Variants in CSF2RB observed in about 807,000 individuals in gnomAD.
CSF2RB encodes cytokine receptor common subunit beta.
Under a neutral mutation model 67.2 loss-of-function variants are expected in CSF2RB, and 22 were observed. That is an observed-to-expected ratio of 0.33 (90% CI 0.23 to 0.47). The LOEUF (loss-of-function observed/expected upper bound fraction) is 0.47. CSF2RB is among the 20% of genes least tolerant of loss of function. The pLI is 1.00. For synonymous variants in CSF2RB, 507 were observed against 482.9 expected (o/e 1.05, Z -0.65); for missense variants, 1,113 against 1,174.5 (o/e 0.95, Z 0.76).
intron 8 of CSF2RB, 29 bp downstream of exon 8, chr22:36,930,859 A>T (rs374545094): frequency 1.9e-6 from 3 of 1,613,300 alleles, no homozygotes; most frequent in East Asian, 2.2e-5. Context: ...CGCTGTGGGG[A>T]TGGTCTGGGA....
rs1203924381 is a variant in CSF2RB at position 36,938,026 on chromosome 22, C to A, written c.2218C>A (p.Gln740Lys). The A allele has an allele frequency of 6.2e-7, 1 of 1,614,100 alleles. No homozygotes were observed. The highest frequency in any genetic ancestry group is 1.1e-5 in the South Asian group (1 of 91,070). Residue 740 changes from glutamine to lysine, a missense_variant, in exon 14 of 14, where the codon CAG becomes AAG. Gln to Lys is a moderately conservative substitution (Grantham distance 53). This residue lies in a region of CSF2RB where 554 missense variants were observed against 517.9 expected (regional missense o/e 1.07). Transcript: ENST00000403662. ...LVPSLGLPSD[Q>K]TPSLCPGLAS... is the part of the protein sequence containing the mutation. ...TCCCTCTCTGGGCCTCCCCTCAGAC[C>A]AGACCCCCAGCTTATGTCCTGGGCT...
intron 1 of CSF2RB, among the ~76,000 whole-genome samples, chr22:36,921,133 TTCTGTGTA>T (rs1569130788): frequency 6.6e-6 from 1 of 150,722 alleles, no homozygotes; most frequent in Admixed American, 6.6e-5. Context: ...GTGTGTGAAT[TTCTGTGTA>T]TGTGTGAATG....
intron 4 of CSF2RB, 58 bp from the exon 5 acceptor site, chr22:36,929,344 G>T: frequency 6.2e-7 from 1 of 1,612,648 alleles, no homozygotes; most frequent in Non-Finnish European, 8.5e-7. Flanking sequence ...GGCCATGCAG[G>T]CCCTGACTGC....
At chr22:36,926,852 A>G (rs1941028381) in intron 4 of CSF2RB, among the ~76,000 whole-genome samples, 1 of 152,222 alleles carries the variant, frequency 6.6e-6, no homozygotes, top group African/African-American at 2.4e-5. Context: ...CTAAACCTGA[A>G]AAGGGACACG....
At chr22:36,931,236 T>C (rs1301542305) in intron 8 of CSF2RB, among the ~76,000 whole-genome samples, 1 of 152,244 alleles carries the variant, frequency 6.6e-6, no homozygotes, top group Non-Finnish European at 1.5e-5. Context: ...ACTTTTCAAC[T>C]GGAGCCTGTG....
intron 9 of CSF2RB, 98 bp from the exon 10 acceptor site, chr22:36,933,734 G>A: frequency 6.8e-7 from 1 of 1,477,214 alleles, no homozygotes; most frequent in Non-Finnish European, 9.1e-7. Context: ...GGTATGGCAG[G>A]AGCTAGGAGC....
intron 3 of CSF2RB, among the ~76,000 whole-genome samples, chr22:36,924,156 G>A (rs1940951898): frequency 6.6e-6 from 1 of 151,298 alleles, no homozygotes; most frequent in South Asian, 2.1e-4. Context: ...GTCTCTGTCG[G>A]ACCTTCTCCA....
chr22:36,929,296 G>T (rs1181995871), intron 4 of CSF2RB, 106 bp from the exon 5 acceptor site: 31 of 1,478,622 alleles, frequency 2.1e-5, no homozygotes, highest in African/African-American at 2.8e-5. Flanking sequence ...AGCTGCTGGG[G>T]GCAGGGGTGG....
intron 4 of CSF2RB, among the ~76,000 whole-genome samples, chr22:36,928,384 G>A (rs1941071511): frequency 6.6e-6 from 1 of 152,190 alleles, no homozygotes; most frequent in African/African-American, 2.4e-5. Flanking sequence ...GGGGCTGGGA[G>A]TGCAGTGACC....
At chr22:36,933,401 G>A (rs1212967052) in intron 9 of CSF2RB, among the ~76,000 whole-genome samples, 1 of 152,190 alleles carries the variant, frequency 6.6e-6, no homozygotes, top group Non-Finnish European at 1.5e-5. Flanking sequence ...GGCAACTGAG[G>A]CTAGGAGGGA....
chr22:36,920,584 G>A (rs1482438969), intron 1 of CSF2RB, among the ~76,000 whole-genome samples: 1 of 152,186 alleles, frequency 6.6e-6, no homozygotes, highest in Non-Finnish European at 1.5e-5. Flanking sequence ...GTAGCCTAAC[G>A]GATGAGTACA....
In CSF2RB at chr22:36,930,680, G is replaced by A; in HGVS notation, c.862G>A (p.Glu288Lys). Reference protein sequence around the residue: ...YKPSPDAGEEECSPVLREGLG... With the variant: ...YKPSPDAGEEKCSPVLREGLG... ...CTCTGCTGTGCTCCTCAGGGAGGAA[G>A]AGTGCTCCCCAGTGCTGAGGGAGGG... Residue 288 changes from glutamate (E) to lysine (K), a missense_variant, in exon 8 of 14, where the codon GAG becomes AAG. Physicochemically the swap from Glu to Lys is moderately conservative, Grantham distance 56 (BLOSUM62 1). This residue lies in a region of CSF2RB where 559 missense variants were observed against 656.5 expected (regional missense o/e 0.85). Coordinates refer to ENST00000403662, the MANE Select transcript of CSF2RB (RefSeq NM_000395.3). 1 of 1,612,676 alleles carries A rather than the reference G, an allele frequency of 6.2e-7. No individual in the cohort carries two copies. Among genetic ancestry groups the A allele is most frequent in the Admixed American group, 1.7e-5 (1 of 60,024 alleles).
At chr22:36,933,227 G>A (rs1243457997) in intron 9 of CSF2RB, among the ~76,000 whole-genome samples, 1 of 152,206 alleles carries the variant, frequency 6.6e-6, no homozygotes, top group Non-Finnish European at 1.5e-5. Context: ...TGAAAGTTTG[G>A]GGTTATTTCC....
Position 36,926,036 on chromosome 22 carries a change from T to A in CSF2RB, c.250T>A (p.Ser84Thr). ...SCDLSDDMPW[S>T]ACPHPRCVPR... ...TGACCTCAGTGATGACATGCCCTGG[T>A]CAGCCTGCCCCCATCCCCGCTGCGT... The change falls in exon 4 of 14, where the codon TCA (serine) becomes ACA (threonine). Residue 84 changes from serine (S) to threonine (T), a missense_variant. Coordinates refer to ENST00000403662, the MANE Select transcript of CSF2RB (RefSeq NM_000395.3). The A allele has an allele frequency of 6.2e-7, 1 of 1,614,202 alleles. No individual in the cohort carries two copies. Among genetic ancestry groups the A allele is most frequent in the Non-Finnish European group, 8.5e-7 (1 of 1,180,030 alleles).
chr22:36,932,815 AG>A lies in CSF2RB; in HGVS notation c.1064del (p.Ser355ThrfsTer7). The A allele has an allele frequency of 3.7e-6, 6 of 1,614,136 alleles. No homozygotes were observed. The highest frequency in any genetic ancestry group is 5.1e-6 in the Non-Finnish European group (6 of 1,180,030). ...CGTGACCAAGGATGGAGACAGCTAC[AG>A]CCTGCGCTGGGAAACAATGAAAATG... is the stretch of plus-strand genomic sequence containing the variant. The part of the protein sequence containing the change: ...LNVTKDGDSY[S>X]LRWETMKMRY... On this transcript the variant is annotated frameshift_variant, in exon 9 of 14. Transcript: ENST00000403662. LOFTEE classifies it high-confidence loss of function.
At chr22:36,935,005 T>C (rs998952913) in intron 10 of CSF2RB, among the ~76,000 whole-genome samples, 1 of 152,130 alleles carries the variant, frequency 6.6e-6, no homozygotes, top group African/African-American at 2.4e-5. Flanking sequence ...ATCCTTCCTA[T>C]TACTGGAGGC....
intron 10 of CSF2RB, 105 bp from the exon 11 acceptor site, chr22:36,935,246 C>T: frequency 9.7e-7 from 1 of 1,030,868 alleles, no homozygotes; most frequent in Non-Finnish European, 1.5e-6. Flanking sequence ...CCTGGGCCTG[C>T]ACAGAGCGGG....
rs981373498 is a variant in CSF2RB at position 36,917,603 on chromosome 22, T to C, written c.-173+3926T>C. Among the ~76,000 whole-genome samples the C allele has an allele frequency of 2.0e-5, 3 of 152,230 alleles. No individual in the cohort carries two copies. In the East Asian group the frequency reaches 5.8e-4, roughly 29 times the overall value. Reference sequence around the variant, plus strand: ...TTCTTAGTGATTTTTAATCTTTATGTTTTTAGGGATTTAAAATGTATTGAA... The same window carrying C: ...TTCTTAGTGATTTTTAATCTTTATGCTTTTAGGGATTTAAAATGTATTGAA... On this transcript the variant is annotated intron_variant, in intron 1 of 13. Transcript: ENST00000403662.
chr22:36,922,420 T>G, intron 2 of CSF2RB, 137 bp downstream of exon 2: 5 of 775,678 alleles, frequency 6.4e-6, no homozygotes, highest in Non-Finnish European at 1.1e-5. Context: ...CCCCCTGGCC[T>G]TCCCTGGGCC....
Sources: gnomAD v4.1 joint callset for allele counts (sites outside exome capture counted in the v4.1 genomes callset) on GRCh38, gnomAD v4.1.1 for gene constraint, gnomAD v4.1.1 regional missense constraint, MANE v1.5 for transcripts, NCBI Gene and HGNC (gene_info 2026-07-23, HGNC 2026-07-21) for gene names.